TMEM132C: variants seen among roughly 807,000 people sequenced by gnomAD.
The protein encoded by TMEM132C is transmembrane protein 132C, also known as protein phosphatase 1, regulatory subunit 152.
TMEM132C carries 29 observed loss-of-function variants against 61.4 expected under a neutral mutation model. The ratio of observed to expected loss-of-function variants is 0.47; its 90% CI spans 0.35 to 0.64. The LOEUF (loss-of-function observed/expected upper bound fraction) is 0.64. TMEM132C is among the 30% of genes least tolerant of loss of function. The probability of loss-of-function intolerance (pLI) is 0.00; values close to 1 mark genes in which losing one functional copy is unlikely to be tolerated. For synonymous variants in TMEM132C, 656 were observed against 633.1 expected (o/e 1.04, Z -0.54); for missense variants, 1,408 against 1,476.9 (o/e 0.95, Z 0.76).
intron 4 of TMEM132C, among the ~76,000 whole-genome samples, chr12:128,660,016 C>T (rs765158116): frequency 6.6e-6 from 1 of 152,202 alleles, no homozygotes; most frequent in Admixed American, 6.5e-5. Flanking sequence ...TTCTTGACGT[C>T]GTCTCTTCAC....
At chr12:128,417,854 T>G (rs1868835263) in intron 2 of TMEM132C, among the ~76,000 whole-genome samples, 1 of 152,196 alleles carries the variant, frequency 6.6e-6, no homozygotes, top group Non-Finnish European at 1.5e-5. Context: ...ATTCTCAAAA[T>G]TCTATTATTC....
intron 1 of TMEM132C, among the ~76,000 whole-genome samples, chr12:128,399,719 G>A (rs545056570): frequency 1.3e-5 from 2 of 152,158 alleles, no homozygotes; most frequent in East Asian, 3.9e-4. Context: ...GCACACTATG[G>A]CCTGTGGGTC....
intron 8 of TMEM132C, among the ~76,000 whole-genome samples, chr12:128,698,629 C>A: frequency 6.6e-6 from 1 of 152,232 alleles, no homozygotes; most frequent in East Asian, 1.9e-4. Context: ...TAGCTCTTTT[C>A]CTGGGAATGG....
At chr12:128,563,992 A>G (rs1381494036) in intron 3 of TMEM132C, among the ~76,000 whole-genome samples, 1 of 152,166 alleles carries the variant, frequency 6.6e-6, no homozygotes. Context: ...TAAATGGCTA[A>G]ACCTTTATTT....
At chr12:128,296,550 ATTTCCTCTCTGTC>A (rs1367987825) in intron 1 of TMEM132C, among the ~76,000 whole-genome samples, 2 of 152,144 alleles carry the variant, frequency 1.3e-5, no homozygotes, top group South Asian at 2.1e-4. Context: ...CCAGCCATTA[ATTTCCTCTCTGTC>A]TTTCCTCTCT....
chr12:128,561,731 G>A (rs373438813), intron 3 of TMEM132C, among the ~76,000 whole-genome samples: 4 of 152,212 alleles, frequency 2.6e-5, no homozygotes, highest in African/African-American at 9.7e-5. Context: ...TAGGATATGG[G>A]CCAATTGCTT....
At chr12:128,499,766 C>T (rs963104808) in intron 2 of TMEM132C, among the ~76,000 whole-genome samples, 1 of 152,168 alleles carries the variant, frequency 6.6e-6, no homozygotes, top group Non-Finnish European at 1.5e-5. Flanking sequence ...ATCTTTACCA[C>T]ATTTTAAAAA....
intron 1 of TMEM132C, among the ~76,000 whole-genome samples, chr12:128,352,320 G>A (rs1236640516): frequency 6.6e-6 from 1 of 152,138 alleles, no homozygotes; most frequent in Non-Finnish European, 1.5e-5. Flanking sequence ...GTGAAGTTGG[G>A]GAAAGCCCCT....
chr12:128,500,321 C>T (rs552365186), intron 2 of TMEM132C, among the ~76,000 whole-genome samples: 1 of 152,208 alleles, frequency 6.6e-6, no homozygotes, highest in South Asian at 2.1e-4. Flanking sequence ...AAAGCCCAAG[C>T]AACAAAAGAT....
chr12:128,621,886 T>G (rs1191122182), intron 4 of TMEM132C, among the ~76,000 whole-genome samples: 1 of 152,178 alleles, frequency 6.6e-6, no homozygotes, highest in Non-Finnish European at 1.5e-5. Context: ...CCCTCCGTTA[T>G]GCCCACAGCT....
At chr12:128,319,681 C>T (rs1472972117) in intron 1 of TMEM132C, among the ~76,000 whole-genome samples, 1 of 151,948 alleles carries the variant, frequency 6.6e-6, no homozygotes, top group Non-Finnish European at 1.5e-5. Flanking sequence ...CAAAAATTAC[C>T]CAGGCGTGGT....
intron 3 of TMEM132C, among the ~76,000 whole-genome samples, chr12:128,594,544 C>T (rs567767728): frequency 1.3e-5 from 2 of 152,316 alleles, no homozygotes; most frequent in East Asian, 3.9e-4. Flanking sequence ...CCCACCCCTG[C>T]ACCTGGTGAA....
At chr12:128,328,574 G>A (rs1220310121) in intron 1 of TMEM132C, among the ~76,000 whole-genome samples, 2 of 152,098 alleles carry the variant, frequency 1.3e-5, no homozygotes, top group Non-Finnish European at 2.9e-5. Flanking sequence ...AGATCACGAG[G>A]TCAGGAGTTT....
intron 2 of TMEM132C, among the ~76,000 whole-genome samples, chr12:128,447,822 G>A (rs1299629580): frequency 1.8e-5 from 2 of 111,368 alleles, no homozygotes; most frequent in Non-Finnish European, 3.6e-5. Context: ...CGCCTCCCGG[G>A]TTCACGCCAT....
At chr12:128,474,505 G>A (rs2136084709) in intron 2 of TMEM132C, among the ~76,000 whole-genome samples, 1 of 152,300 alleles carries the variant, frequency 6.6e-6, no homozygotes, top group South Asian at 2.1e-4. Context: ...AGCTTCACTA[G>A]AGACACAGTT....
chr12:128,398,058 A>G (rs890728608), intron 1 of TMEM132C, among the ~76,000 whole-genome samples: 1 of 152,152 alleles, frequency 6.6e-6, no homozygotes, highest in African/African-American at 2.4e-5. Flanking sequence ...CTGGTGCAAT[A>G]TTAAATAAGA....
chr12:128,553,130 C>T (rs778261405), intron 3 of TMEM132C, among the ~76,000 whole-genome samples: 10 of 152,118 alleles, frequency 6.6e-5, no homozygotes, highest in Non-Finnish European at 7.4e-5. Flanking sequence ...TATGCTAACA[C>T]TAGCGATAGC....
intron 4 of TMEM132C, among the ~76,000 whole-genome samples, chr12:128,633,710 T>C (rs577833861): frequency 6.6e-6 from 1 of 152,354 alleles, no homozygotes; most frequent in East Asian, 1.9e-4. Context: ...GAGTCTTTAA[T>C]TCCTGATTCT....
chr12:128,405,973 T>C (rs1289816698), intron 1 of TMEM132C, among the ~76,000 whole-genome samples: 2 of 152,236 alleles, frequency 1.3e-5, no homozygotes, highest in Non-Finnish European at 2.9e-5. Flanking sequence ...ATTGTTCTTG[T>C]CTGCTGCAAC....
Sources: allele counts gnomAD v4.1 joint callset (sites outside exome capture counted in the v4.1 genomes callset), GRCh38; gene constraint gnomAD v4.1.1; transcripts MANE v1.5; gene names NCBI Gene and HGNC (gene_info 2026-07-23, HGNC 2026-07-21).